POLQ: variants seen among roughly 807,000 people sequenced by gnomAD.
POLQ encodes DNA polymerase theta, also known as epididymis secretory sperm binding protein.
In POLQ, 233 loss-of-function variants were observed where a neutral mutation model predicts 259.2. That is an observed-to-expected ratio of 0.90 (90% CI 0.81 to 1.00). The LOEUF (loss-of-function observed/expected upper bound fraction) is 1.00. Among genes scored for constraint, POLQ ranks in the 50% least tolerant of loss-of-function variants. The probability of loss-of-function intolerance (pLI) is 0.00; values close to 1 mark genes in which losing one functional copy is unlikely to be tolerated. For missense variants in POLQ, 2,871 were observed against 3,051.6 expected (o/e 0.94, Z 1.39); for synonymous variants, 1,025 against 1,048.8 (o/e 0.98, Z 0.44).
chr3:121,482,092 G>A (rs899276095), intron 18 of POLQ, among the ~76,000 whole-genome samples: 1 of 152,168 alleles, frequency 6.6e-6, no homozygotes, highest in Non-Finnish European at 1.5e-5. Context: ...TGAAAAACAA[G>A]TGTGTCTCAG....
chr3:121,487,524 T>C lies in POLQ; in HGVS notation c.5407A>G (p.Ser1803Gly), dbSNP rs762569773. 4.3e-6 allele frequency: 7 copies of C among 1,613,964 alleles called. No homozygotes were observed. In the South Asian group the frequency reaches 5.5e-5, roughly 13 times the overall value. The change falls in exon 16 of 30, where the codon AGC (serine) becomes GGC (glycine). Residue 1803 changes from serine (S) to glycine (G), a missense_variant. By Grantham distance (56) the Ser-to-Gly change is moderately conservative. Transcript: ENST00000264233. Reference sequence around the variant, plus strand: ...TCCTGTGATAACTGAAGTGAAAAGCTTGTGTCACTAATAGGGCTGTTGTCT... The same window carrying C: ...TCCTGTGATAACTGAAGTGAAAAGCCTGTGTCACTAATAGGGCTGTTGTCT... Reference protein sequence around the residue: ...FKDNSPISDTSFSLQLSQDGL... With the variant: ...FKDNSPISDTGFSLQLSQDGL...
chr3:121,479,349 CA>C (rs969052572), intron 19 of POLQ, among the ~76,000 whole-genome samples: 19 of 88,922 alleles, frequency 2.1e-4, no homozygotes, highest in Admixed American at 2.4e-4. Flanking sequence ...CTCATCTCTA[CA>C]AAAAAAAAAA....
chr3:121,522,216 T>A (rs986928175), intron 7 of POLQ, 67 bp from the exon 8 acceptor site: 3 of 1,042,172 alleles, frequency 2.9e-6, no homozygotes, highest in Non-Finnish European at 2.6e-6. Context: ...TCTGTCTAAA[T>A]CATAATAGAG....
chr3:121,487,661 A>G lies in POLQ; in HGVS notation c.5270T>C (p.Val1757Ala). 6.2e-7 allele frequency: 1 copy of G among 1,613,788 alleles called. No individual in the cohort carries two copies. The highest frequency in any genetic ancestry group is 8.5e-7 in the Non-Finnish European group (1 of 1,179,712). Residue 1757 changes from valine to alanine, a missense_variant, in exon 16 of 30, where the codon GTA becomes GCA. By Grantham distance (64) the Val-to-Ala change is moderately conservative (BLOSUM62 0). This residue lies in a region of POLQ where 2,080 missense variants were observed against 2,126.0 expected (regional missense o/e 0.98). Coordinates refer to ENST00000264233, the MANE Select transcript of POLQ (RefSeq NM_199420.4). ...LTFPGILETP[V>A]NPWKTNNVLQ... ...AACATTATTAGTTTTCCAAGGGTTT[A>G]CAGGTGTTTCAAGAATCCCTGGAAA... is the stretch of plus-strand genomic sequence containing the variant.
Position 121,512,181 on chromosome 3 carries a change from T to C in POLQ, c.1469-152A>G, listed in dbSNP as rs1028260853. The C allele has an allele frequency of 2.1e-5, 13 of 629,176 alleles. No homozygotes were observed. The African/African-American group carries it at 2.4e-4, about 12-fold the overall frequency. 39.0% of individuals were successfully genotyped at this position (629,176 alleles called of 1,614,324 possible). A position where few individuals can be genotyped will look rare whatever the true frequency, so the allele number is the denominator to read the frequency against. On this transcript the variant is annotated intron_variant, in intron 9 of 29. Coordinates refer to ENST00000264233, the MANE Select transcript of POLQ (RefSeq NM_199420.4). ...AAAATTATGGCTATTTTTTGAACTT[T>C]GGACAGAAGGGGATCAGAATATGCC...
chr3:121,458,814 G>A (rs1332544342), intron 25 of POLQ, among the ~76,000 whole-genome samples: 2 of 152,166 alleles, frequency 1.3e-5, no homozygotes, highest in East Asian at 1.9e-4. Flanking sequence ...ACTTCGGGAG[G>A]CCAAGTTGGA....
intron 12 of POLQ, 85 bp downstream of exon 12, chr3:121,509,476 T>C: frequency 8.6e-7 from 1 of 1,158,978 alleles, no homozygotes; most frequent in East Asian, 2.4e-5. Context: ...CGAGATGTTC[T>C]GTTAGGGTAT....
At chr3:121,497,007 C>T in intron 13 of POLQ, 75 bp from the exon 14 acceptor site, 1 of 1,494,842 alleles carries the variant, frequency 6.7e-7, no homozygotes, top group South Asian at 1.2e-5. Flanking sequence ...TGAAAAATGA[C>T]TAAGAACTGG....
intron 19 of POLQ, 146 bp downstream of exon 19, chr3:121,481,426 A>T: frequency 3.0e-6 from 2 of 677,180 alleles, no homozygotes; most frequent in Non-Finnish European, 2.4e-6. Context: ...AAAAATATTT[A>T]CTCTCTGGCC....
intron 16 of POLQ, among the ~76,000 whole-genome samples, chr3:121,487,014 C>A (rs374949945): frequency 7.2e-5 from 11 of 151,840 alleles, no homozygotes; most frequent in African/African-American, 2.2e-4. Context: ...CATTAATATA[C>A]CATAAAAGAA....
chr3:121,478,374 C>T (rs890312909), intron 19 of POLQ, among the ~76,000 whole-genome samples: 1 of 151,856 alleles, frequency 6.6e-6, no homozygotes, highest in Non-Finnish European at 1.5e-5. Context: ...GAATAGGACT[C>T]AGAAGAAACA....
chr3:121,467,982 G>A (rs2047852550), intron 23 of POLQ, among the ~76,000 whole-genome samples: 1 of 152,124 alleles, frequency 6.6e-6, no homozygotes, highest in African/African-American at 2.4e-5. Context: ...GCAGTAAGCT[G>A]AGATCGCACC....
In POLQ at chr3:121,449,370, G is replaced by A. The variant is rs771486152; in HGVS notation, c.7209C>T (p.Gly2403=). ...MGAKSLGEQM[G]IKENDAACYI... The stretch of plus-strand genomic sequence containing the variant: ...AGCATGCAGCATCATTTTCTTTAAT[G>A]CCCATCTGCTCTCCCAAAGATTTAG... The change falls in exon 26 of 30, where the codon GGC becomes GGT. Residue 2403 remains glycine (G), a synonymous_variant. Coordinates refer to ENST00000264233, the MANE Select transcript of POLQ (RefSeq NM_199420.4). 3 of 1,607,840 alleles carry A rather than the reference G, an allele frequency of 1.9e-6. No homozygotes were observed. The East Asian group carries it at 6.7e-5, about 36-fold the overall frequency.
chr3:121,485,085 C>G lies in POLQ; in HGVS notation c.5729G>C (p.Arg1910Thr). ...VVGLAVCWGG[R>T]DAYYFSLQKE... ...CTGCAGTGAAAAATAATAGGCATCC[C>G]TTCCACCCCAGCATACTGCCAGTCC... The change falls in exon 17 of 30, where the codon AGG (arginine) becomes ACG (threonine). Residue 1910 changes from arginine to threonine, a missense_variant. Arg to Thr is a moderately conservative substitution (Grantham distance 71). This residue lies in a region of POLQ where 2,080 missense variants were observed against 2,126.0 expected (regional missense o/e 0.98). Transcript: ENST00000264233. 6.2e-7 allele frequency: 1 copy of G among 1,613,030 alleles called. No homozygotes were observed. The highest frequency in any genetic ancestry group is 2.2e-5 in the East Asian group (1 of 44,834).
At chr3:121,454,161 C>G (rs1312315138) in intron 25 of POLQ, among the ~76,000 whole-genome samples, 1 of 152,146 alleles carries the variant, frequency 6.6e-6, no homozygotes, top group Non-Finnish European at 1.5e-5. Context: ...GAAATACAAT[C>G]CTTAACAGAC....
At chr3:121,498,123 C>A (rs530264012) in intron 13 of POLQ, among the ~76,000 whole-genome samples, 1 of 151,930 alleles carries the variant, frequency 6.6e-6, no homozygotes, top group South Asian at 2.1e-4. Flanking sequence ...CCAGCCTGAC[C>A]AACATGGAGA....
intron 10 of POLQ, among the ~76,000 whole-genome samples, chr3:121,511,606 C>T (rs889768794): frequency 6.6e-6 from 1 of 151,892 alleles, no homozygotes; most frequent in African/African-American, 2.4e-5. Context: ...GGTGAAATCC[C>T]ATCTCTATTA....
At position 121,448,787 on chromosome 3, in the gene POLQ, T is replaced by C. The variant is rs1376599745; in HGVS notation, c.7264+528A>G. 2.0e-5 allele frequency among the ~76,000 whole-genome samples: 3 copies of C among 152,186 alleles called. No homozygotes were observed. The East Asian group carries it at 5.8e-4, about 29-fold the overall frequency. ...TAATGGTTCTATATCTTGGTTGTGG[T>C]GTAAATTTTATGACCATATGCATTT... On this transcript the variant is annotated intron_variant, in intron 26 of 29. Transcript: ENST00000264233.
rs1223193609 is a variant in POLQ at position 121,496,199 on chromosome 3, CAG to C, written c.2278+607_2278+608del. On this transcript the variant is annotated intron_variant, in intron 14 of 29. Coordinates refer to ENST00000264233, the MANE Select transcript of POLQ (RefSeq NM_199420.4). ...TCAGTACCTTTTTTTTTTTTTGAGA[CAG>C]AGTCTCGCTCTGTCACCCAGGCTAG... Among the ~76,000 whole-genome samples, 13 of 128,706 alleles carry C rather than the reference CAG, an allele frequency of 1.0e-4. No individual in the cohort carries two copies. In the South Asian group the frequency reaches 2.6e-3, roughly 26 times the overall value. The allele number at this position is 128,706 out of a possible 152,430, so 84.4% of individuals were successfully genotyped here.
Sources: gnomAD v4.1 joint callset for allele counts (sites outside exome capture counted in the v4.1 genomes callset) on GRCh38, gnomAD v4.1.1 for gene constraint, gnomAD v4.1.1 regional missense constraint, MANE v1.5 for transcripts, NCBI Gene and HGNC (gene_info 2026-07-23, HGNC 2026-07-21) for gene names.